SCN3A: variants seen among roughly 807,000 people sequenced by gnomAD.
The protein encoded by SCN3A is sodium channel protein type 3 subunit alpha.
SCN3A carries 60 observed loss-of-function variants against 187.6 expected under a neutral mutation model. The ratio of observed to expected loss-of-function variants is 0.32; its 90% CI spans 0.26 to 0.40. The LOEUF (loss-of-function observed/expected upper bound fraction) is 0.40. Among genes scored for constraint, SCN3A ranks in the 10% least tolerant of loss-of-function variants. The pLI is 1.00. For missense variants in SCN3A, 1,601 were observed against 2,428.2 expected (o/e 0.66, Z 7.16); for synonymous variants, 788 against 829.2 (o/e 0.95, Z 0.85).
At chr2:165,177,573 T>TGA (rs1690545719) in intron 2 of SCN3A, among the ~76,000 whole-genome samples, 1 of 152,196 alleles carries the variant, frequency 6.6e-6, no homozygotes, top group African/African-American at 2.4e-5. Context: ...AACAAGTTCT[T>TGA]GCTGTGCTGG....
intron 18 of SCN3A, among the ~76,000 whole-genome samples, chr2:165,124,171 T>A (rs1686855176): frequency 6.6e-6 from 1 of 152,118 alleles, no homozygotes; most frequent in East Asian, 1.9e-4. Context: ...AATCACCCCA[T>A]AAGACATTTT....
At chr2:165,161,137 CTTTTTT>C (rs61608647) in intron 9 of SCN3A, among the ~76,000 whole-genome samples, 192 of 93,402 alleles carry the variant, frequency 2.1e-3, no homozygotes, top group African/African-American at 6.2e-3. Context: ...TTCTTTCTTT[CTTTTTT>C]TTTTTTTTTT....
intron 5 of SCN3A, among the ~76,000 whole-genome samples, chr2:165,165,194 C>T (rs1291621158): frequency 6.6e-6 from 1 of 151,234 alleles, no homozygotes; most frequent in African/African-American, 2.4e-5. Context: ...TATAAACTGC[C>T]CCCCATTTCT....
chr2:165,166,704 C>T (rs2105900976), intron 5 of SCN3A, among the ~76,000 whole-genome samples: 1 of 152,210 alleles, frequency 6.6e-6, no homozygotes, highest in East Asian at 1.9e-4. Context: ...GGGGTAGTAA[C>T]CACTACTACT....
At chr2:165,145,432 T>C (rs1688257408) in intron 12 of SCN3A, among the ~76,000 whole-genome samples, 1 of 152,114 alleles carries the variant, frequency 6.6e-6, no homozygotes, top group Non-Finnish European at 1.5e-5. Context: ...ATAGTAATAG[T>C]TGAATTTCTT....
intron 9 of SCN3A, 35 bp downstream of exon 9, chr2:165,162,273 G>A (rs764077735): frequency 4.5e-6 from 7 of 1,566,142 alleles, no homozygotes; most frequent in Non-Finnish European, 5.2e-6. Flanking sequence ...TTCGCAAAGA[G>A]TTCTATATCT....
At chr2:165,174,301 G>A (rs1475627033) in intron 3 of SCN3A, among the ~76,000 whole-genome samples, 5 of 152,116 alleles carry the variant, frequency 3.3e-5, no homozygotes, top group African/African-American at 7.2e-5. Context: ...CTTCAAGCAG[G>A]TTTAGGGGAA....
chr2:165,181,319 T>C (rs1465600746), intron 2 of SCN3A, among the ~76,000 whole-genome samples: 1 of 152,222 alleles, frequency 6.6e-6, no homozygotes, highest in African/African-American at 2.4e-5. Context: ...GTTTATTAAA[T>C]TAGTTGTGTG....
At chr2:165,166,155 A>G (rs56983026) in intron 5 of SCN3A, among the ~76,000 whole-genome samples, 9 of 152,180 alleles carry the variant, frequency 5.9e-5, no homozygotes, top group Admixed American at 2.6e-4. Flanking sequence ...AGTTACTAGG[A>G]ATAAGATTAA....
At position 165,090,239 on chromosome 2, in the gene SCN3A, T is replaced by C. The variant is rs1685014826; in HGVS notation, c.5914A>G (p.Ser1972Gly). The C allele has an allele frequency of 6.2e-7, 1 of 1,610,670 alleles. No homozygotes were observed. The highest frequency in any genetic ancestry group is 1.7e-5 in the Admixed American group (1 of 59,640). The change falls in exon 28 of 28, where the codon AGT (serine) becomes GGT (glycine). Residue 1972 changes from serine (S) to glycine (G), a missense_variant. By Grantham distance (56) the Ser-to-Gly change is moderately conservative. This residue lies in a region of SCN3A where 87 missense variants were observed against 89.2 expected (regional missense o/e 0.98). Transcript: ENST00000283254. The surrounding 1 kb of genome is among the most constrained non-coding windows in gnomAD (Gnocchi z 4.0). ...SSTTSPPSYD[S>G]VTKPDKEKFE... ...TTTTCCTTGTCTGGTTTTGTTACAC[T>C]ATCATAGGAAGGAGGAGAGGTGGTA...
intron 11 of SCN3A, among the ~76,000 whole-genome samples, chr2:165,149,621 G>T (rs1398108634): frequency 2.6e-5 from 4 of 152,148 alleles, no homozygotes; most frequent in African/African-American, 7.2e-5. Context: ...TCTGTCATTT[G>T]TTCCACTTCC....
intron 18 of SCN3A, among the ~76,000 whole-genome samples, chr2:165,117,229 A>G (rs920919635): frequency 1.3e-5 from 2 of 152,012 alleles, no homozygotes; most frequent in Non-Finnish European, 1.5e-5. Context: ...GACAGCTATT[A>G]ATATCCACTT....
intron 12 of SCN3A, among the ~76,000 whole-genome samples, chr2:165,145,203 C>T (rs1052164532): frequency 6.6e-6 from 1 of 152,004 alleles, no homozygotes; most frequent in African/African-American, 2.4e-5. Context: ...GAGATATGAA[C>T]ACAAAAGTTT....
At chr2:165,095,273 T>G (rs552639107) in intron 25 of SCN3A, among the ~76,000 whole-genome samples, 23 of 152,248 alleles carry the variant, frequency 1.5e-4, no homozygotes, top group Non-Finnish European at 2.6e-4. Flanking sequence ...TGGAGACCCG[T>G]TGGATGGGTC....
At chr2:165,111,490 C>T (rs1396508509) in intron 21 of SCN3A, among the ~76,000 whole-genome samples, 2 of 18,200 alleles carry the variant, frequency 1.1e-4, no homozygotes, top group Non-Finnish European at 2.7e-4. Flanking sequence ...CTGATACACA[C>T]ACACACACAC....
chr2:165,166,697 G>T (rs59749671), intron 5 of SCN3A, among the ~76,000 whole-genome samples: 34,328 of 151,946 alleles, frequency 0.23, 5,073 homozygotes, highest in East Asian at 0.52. Context: ...AGGGTTTGGG[G>T]TAGTAACCAC....
chr2:165,152,153 T>G (rs1688722532), intron 11 of SCN3A, among the ~76,000 whole-genome samples: 1 of 152,158 alleles, frequency 6.6e-6, no homozygotes, highest in African/African-American at 2.4e-5. Flanking sequence ...CAATTGAAGA[T>G]TGTCAGGAAC....
intron 12 of SCN3A, among the ~76,000 whole-genome samples, chr2:165,141,790 C>T (rs1357868490): frequency 6.6e-6 from 1 of 152,294 alleles, no homozygotes; most frequent in East Asian, 1.9e-4. Flanking sequence ...AAAAGCAAGA[C>T]ATATAACATG....
At chr2:165,175,697 T>G (rs561396753) in intron 3 of SCN3A, among the ~76,000 whole-genome samples, 35 of 152,160 alleles carry the variant, frequency 2.3e-4, no homozygotes, top group Non-Finnish European at 4.4e-4. Context: ...AGATTATTTA[T>G]TGTCCTCTAG....
Sources: gnomAD v4.1 joint callset for allele counts (sites outside exome capture counted in the v4.1 genomes callset) on GRCh38, gnomAD v4.1.1 for gene constraint, gnomAD v4.1.1 regional missense constraint, Gnocchi (gnomAD v3.1) non-coding constraint, MANE v1.5 for transcripts, NCBI Gene and HGNC (gene_info 2026-07-23, HGNC 2026-07-21) for gene names.